MRPL48: variants seen among roughly 807,000 people sequenced by gnomAD.
MRPL48 encodes large ribosomal subunit protein mL48.
A neutral mutation model predicts 32.9 loss-of-function variants in MRPL48; 16 were observed. That is an observed-to-expected ratio of 0.49 (90% CI 0.33 to 0.74). The LOEUF is 0.74. Among genes scored for constraint, MRPL48 ranks in the 30% least tolerant of loss-of-function variants. The pLI is 0.02. For missense variants in MRPL48, 206 were observed against 245.3 expected, an observed-to-expected ratio of 0.84 and a Z score of 1.07; for synonymous variants, 94 against 89.2, an observed-to-expected ratio of 1.05 and a Z score of -0.31.
chr11:73,823,065 A>G (rs1947811021), intron 3 of MRPL48: 1 of 446,608 alleles, frequency 2.2e-6, no homozygotes, highest in South Asian at 1.6e-5. Context: ...CTGATTCTAC[A>G]TTATGGTGAG....
intron 4 of MRPL48, among the ~76,000 whole-genome samples, chr11:73,834,146 G>T (rs1370205348): frequency 6.6e-6 from 1 of 152,108 alleles, no homozygotes; most frequent in African/African-American, 2.4e-5. Context: ...ACCACAGCTG[G>T]CCTAGAATTC....
chr11:73,830,529 C>T (rs1362600430), intron 4 of MRPL48, among the ~76,000 whole-genome samples: 1 of 152,136 alleles, frequency 6.6e-6, no homozygotes, highest in African/African-American at 2.4e-5. Context: ...ACTAGTTAAA[C>T]TAGATGGAAT....
intron 4 of MRPL48, among the ~76,000 whole-genome samples, chr11:73,830,845 C>A (rs1406332963): frequency 6.6e-6 from 1 of 151,026 alleles, no homozygotes; most frequent in East Asian, 1.9e-4. Context: ...TTATCTCTTT[C>A]TTTCTTTCTT....
At chr11:73,810,887 T>C (rs1208257055) in intron 3 of MRPL48, among the ~76,000 whole-genome samples, 2 of 152,200 alleles carry the variant, frequency 1.3e-5, no homozygotes, top group East Asian at 1.9e-4. Flanking sequence ...ACACTGATCT[T>C]GAGCTAAAAA....
intron 3 of MRPL48, among the ~76,000 whole-genome samples, chr11:73,808,633 G>C (rs952846419): frequency 6.6e-6 from 1 of 151,902 alleles, no homozygotes; most frequent in Non-Finnish European, 1.5e-5. Flanking sequence ...AAATGAGCAG[G>C]CTGTGAGGCC....
Position 73,859,391 on chromosome 11 carries a change from C to T in MRPL48, c.372-516C>T, listed in dbSNP as rs111783020. On this transcript the variant is annotated intron_variant, in intron 5 of 7. Transcript: ENST00000310614. ...TGACCTCCTGTGTTCAAACAATCTG[C>T]CCACCTCAGCCTCCTGAGTAGCTGG... Among the ~76,000 whole-genome samples, 698 of 151,984 alleles carry T rather than the reference C, an allele frequency of 4.6e-3. 4 individuals carry two copies. Among genetic ancestry groups the T allele is most frequent in the African/African-American group, 0.016 (667 of 41,450 alleles).
intron 4 of MRPL48, among the ~76,000 whole-genome samples, chr11:73,838,094 C>T (rs1469892932): frequency 2.0e-5 from 3 of 152,128 alleles, no homozygotes; most frequent in South Asian, 2.1e-4. Flanking sequence ...CCTCATGGTC[C>T]GCCTGCCTCG....
At chr11:73,810,945 GT>G (rs1038677390) in intron 3 of MRPL48, among the ~76,000 whole-genome samples, 2 of 152,264 alleles carry the variant, frequency 1.3e-5, no homozygotes, top group African/African-American at 4.8e-5. Flanking sequence ...TATTTTGTCA[GT>G]TTTAATTGAA....
At chr11:73,805,909 G>T (rs990472254) in intron 2 of MRPL48, among the ~76,000 whole-genome samples, 1 of 152,068 alleles carries the variant, frequency 6.6e-6, no homozygotes, top group Admixed American at 6.6e-5. Context: ...TCTGCCCAAA[G>T]TGAGGGGATT....
At chr11:73,794,627 T>C (rs1278587044) in intron 1 of MRPL48, among the ~76,000 whole-genome samples, 5 of 152,072 alleles carry the variant, frequency 3.3e-5, no homozygotes, top group Non-Finnish European at 7.4e-5. Flanking sequence ...CACAAGATTG[T>C]AAAATTGGGT....
At chr11:73,823,425 C>G (rs987242800) in intron 3 of MRPL48, among the ~76,000 whole-genome samples, 1 of 152,078 alleles carries the variant, frequency 6.6e-6, no homozygotes, top group Non-Finnish European at 1.5e-5. Flanking sequence ...ATCCTTTAAC[C>G]CTCTTTATTA....
intron 1 of MRPL48, among the ~76,000 whole-genome samples, chr11:73,794,356 G>A (rs980784175): frequency 2.6e-5 from 4 of 151,948 alleles, no homozygotes; most frequent in Admixed American, 6.6e-5. Flanking sequence ...GGGAATTTGA[G>A]ACCAGCCTGA....
chr11:73,851,616 T>C (rs1471912125), intron 5 of MRPL48, among the ~76,000 whole-genome samples: 1 of 152,184 alleles, frequency 6.6e-6, no homozygotes, highest in African/African-American at 2.4e-5. Flanking sequence ...GATCTATTCA[T>C]GTGGCAGTTC....
chr11:73,796,352 C>T lies in MRPL48; in HGVS notation c.21+8360C>T, dbSNP rs867312681. Among the ~76,000 whole-genome samples, 7 of 152,368 alleles carry T rather than the reference C, an allele frequency of 4.6e-5. No homozygotes were observed. In the South Asian group the frequency reaches 1.4e-3, roughly 32 times the overall value. On this transcript the variant is annotated intron_variant, in intron 1 of 7. Coordinates refer to ENST00000310614, the MANE Select transcript of MRPL48 (RefSeq NM_016055.6). ...CTTCTCCCTGCTGTCGACACCAGCT[C>T]TGATCTTGGAGCAAAGCTGGGGCCA...
At chr11:73,825,186 T>G (rs1947861524) in intron 3 of MRPL48, among the ~76,000 whole-genome samples, 1 of 152,140 alleles carries the variant, frequency 6.6e-6, no homozygotes, top group African/African-American at 2.4e-5. Flanking sequence ...TTTTATATAC[T>G]AAGTTTATTA....
intron 5 of MRPL48, among the ~76,000 whole-genome samples, chr11:73,857,354 A>C (rs1948500660): frequency 6.6e-6 from 1 of 151,306 alleles, no homozygotes; most frequent in South Asian, 2.1e-4. Flanking sequence ...CTGGTCTCGA[A>C]CTCCTGACCT....
chr11:73,805,002 T>TTA, intron 1 of MRPL48, 25 bp from the exon 2 acceptor site: 1 of 1,576,866 alleles, frequency 6.3e-7, no homozygotes, highest in South Asian at 1.2e-5. Flanking sequence ...CTTAAGATTG[T>TTA]CCTAACATGG....
intron 2 of MRPL48, among the ~76,000 whole-genome samples, chr11:73,807,033 C>CT (rs1278565605): frequency 2.0e-5 from 3 of 152,046 alleles, no homozygotes; most frequent in African/African-American, 7.2e-5. Flanking sequence ...CCATGTCTGG[C>CT]TAATTTTTCT....
rs903293378 is a variant in MRPL48, at chr11:73,808,473, C to T, written c.112+123C>T. The stretch of plus-strand genomic sequence containing the variant: ...AACAGTGGCCTGAACCAAACCCCAC[C>T]CCTCCATGTGAGCATGGAATAGAAC... On this transcript the variant is annotated intron_variant, in intron 3 of 7. Transcript: ENST00000310614. 3.3e-6 allele frequency: 3 copies of T among 921,918 alleles called. No homozygotes were observed. The Admixed American group carries it at 7.0e-5, about 21-fold the overall frequency. 57.1% of individuals were successfully genotyped at this position (921,918 alleles called of 1,614,324 possible). A position where few individuals can be genotyped will look rare whatever the true frequency, so the allele number is the denominator to read the frequency against.
Sources: gnomAD v4.1 joint callset for allele counts (sites outside exome capture counted in the v4.1 genomes callset) on GRCh38, gnomAD v4.1.1 for gene constraint, MANE v1.5 for transcripts, NCBI Gene and HGNC (gene_info 2026-07-23, HGNC 2026-07-21) for gene names.